The following ACOT9 variants were observed in gnomAD, a reference collection of about 807,000 sequenced individuals.
ACOT9 encodes acyl-CoA thioesterase 9.
Under a neutral mutation model 39.7 loss-of-function variants are expected in ACOT9, and 34 were observed. The ratio of observed to expected loss-of-function variants is 0.86; its 90% CI spans 0.65 to 1.14. The LOEUF is 1.14. Ranked by LOEUF, ACOT9 falls within the 50% of genes most tolerant of loss-of-function variation. The pLI, the probability that ACOT9 is intolerant of heterozygous loss-of-function variation, is 0.00. For missense variants in ACOT9, 313 were observed against 344.1 expected (o/e 0.91, Z 0.71); for synonymous variants, 110 against 120.5 (o/e 0.91, Z 0.57).
chrX:23,733,754 AGTTTTGTTTT>A (rs10542947), intron 3 of ACOT9, among the ~76,000 whole-genome samples: 9 of 106,157 alleles, frequency 8.5e-5, no homozygotes, highest in Admixed American at 7.0e-4. Context: ...TAATTTTTGT[AGTTTTGTTTT>A]GTTTTGTTTT....
At chrX:23,733,666 C>T (rs1394752435) in intron 3 of ACOT9, among the ~76,000 whole-genome samples, 1 of 111,743 alleles carries the variant, frequency 8.9e-6, no homozygotes, top group East Asian at 2.8e-4. Flanking sequence ...GCATCCTCCA[C>T]CTCCCGGGTT....
At chrX:23,719,451 A>G (rs1929210410) in intron 8 of ACOT9, among the ~76,000 whole-genome samples, 1 of 110,997 alleles carries the variant, frequency 9.0e-6, no homozygotes, top group Admixed American at 9.7e-5. Context: ...GAAATGCTTC[A>G]TCATTCCATA....
intron 4 of ACOT9, among the ~76,000 whole-genome samples, chrX:23,732,009 G>A (rs1309580321): frequency 9.0e-6 from 1 of 111,617 alleles, no homozygotes; most frequent in Non-Finnish European, 1.9e-5. Flanking sequence ...AGGAGATAGA[G>A]GAATGAGTTA....
rs1267782859 is a variant in ACOT9 at position 23,743,176 on chromosome X, C to T, written c.-32G>A. The T allele has an allele frequency of 2.6e-6, 3 of 1,146,822 alleles. No individual in the cohort carries two copies. The highest frequency in any genetic ancestry group is 3.6e-5 in the African/African-American group (2 of 55,282). 94.5% of individuals were successfully genotyped at this position (1,146,822 alleles called of 1,213,427 possible). ...AGGCTGCCGTGCGCGCGATGGAGAA[C>T]CGGGCCCCGCGCGCTAGTCGGCGGA... On this transcript the variant is annotated 5_prime_UTR_variant, in exon 1 of 16. Coordinates refer to ENST00000379303, the MANE Select transcript of ACOT9 (RefSeq NM_001037171.2).
intron 11 of ACOT9, 121 bp downstream of exon 11, chrX:23,706,507 A>C: frequency 2.0e-6 from 1 of 494,408 alleles, no homozygotes; most frequent in Non-Finnish European, 3.4e-6. Context: ...GCAGTGAGCC[A>C]AGATCGTGCC....
intron 4 of ACOT9, 23 bp downstream of exon 4, chrX:23,733,149 T>C (rs755662951): frequency 1.3e-5 from 16 of 1,197,831 alleles, no homozygotes; most frequent in Non-Finnish European, 1.7e-5. Flanking sequence ...ATGAAAAGAA[T>C]GAATGAAAAC....
At chrX:23,734,277 G>A (rs796769171) in intron 3 of ACOT9, 64 bp downstream of exon 3, 19 of 1,003,229 alleles carry the variant, frequency 1.9e-5, no homozygotes, top group East Asian at 1.3e-4. Context: ...AAGTGCAAGC[G>A]TATATTAGTG....
At chrX:23,735,324 T>A (rs1045193505) in intron 2 of ACOT9, among the ~76,000 whole-genome samples, 2 of 89,531 alleles carry the variant, frequency 2.2e-5, no homozygotes, top group Admixed American at 1.3e-4. Flanking sequence ...CTCACTGACA[T>A]AAAATAATTA....
intron 1 of ACOT9, among the ~76,000 whole-genome samples, chrX:23,742,062 T>C (rs768375480): frequency 9.0e-6 from 1 of 111,032 alleles, no homozygotes; most frequent in African/African-American, 3.3e-5. Flanking sequence ...ACCTTTCACA[T>C]TGCAAGCTAA....
At chrX:23,720,041 G>A (rs939194065) in intron 8 of ACOT9, among the ~76,000 whole-genome samples, 2 of 111,916 alleles carry the variant, frequency 1.8e-5, no homozygotes, top group Non-Finnish European at 3.8e-5. Flanking sequence ...CACCGTGTTA[G>A]CCAGGATGGT....
In ACOT9 at chrX:23,722,819, C is replaced by T. The variant is rs751824728; in HGVS notation, c.401-66G>A. The T allele has an allele frequency of 7.4e-4, 551 of 741,850 alleles. 4 individuals are homozygous for T. The African/African-American group carries it at 0.01, about 14-fold the overall frequency. 61.1% of individuals were successfully genotyped at this position (741,850 alleles called of 1,213,427 possible). On this transcript the variant is annotated intron_variant, in intron 6 of 15. Transcript: ENST00000379303. ...AATTATTTCCCAACATTTAAAATTT[C>T]CTCCCTGAGATCCATGAAAAGCCTT...
chrX:23,719,791 G>A (rs1297042954), intron 8 of ACOT9, among the ~76,000 whole-genome samples: 2 of 111,764 alleles, frequency 1.8e-5, no homozygotes, highest in African/African-American at 6.5e-5. Flanking sequence ...CATGGCCCGG[G>A]GGTTGGGGAC....
At chrX:23,712,983 G>T in intron 9 of ACOT9, 152 bp downstream of exon 9, 2 of 446,110 alleles carry the variant, frequency 4.5e-6, no homozygotes, top group Middle Eastern at 6.6e-4. Context: ...TCATGTCTGG[G>T]ATTTGCCTTA....
intron 9 of ACOT9, among the ~76,000 whole-genome samples, chrX:23,712,052 A>AT (rs769865286): frequency 9.0e-6 from 1 of 111,628 alleles, no homozygotes; most frequent in Non-Finnish European, 1.9e-5. Context: ...CAACGAGTGA[A>AT]TAAGAAACAA....
At position 23,705,006 on chromosome X, in the gene ACOT9, A is replaced by G; in HGVS notation, c.1094T>C (p.Phe365Ser). The G allele has an allele frequency of 8.3e-7, 1 of 1,211,244 alleles. No individual in the cohort carries two copies. The highest frequency in any genetic ancestry group is 1.7e-5 in the African/African-American group (1 of 57,917). Residue 365 changes from phenylalanine (F) to serine (S), a missense_variant, in exon 14 of 16, where the codon TTT (phenylalanine) becomes TCT (serine). Coordinates refer to ENST00000379303, the MANE Select transcript of ACOT9 (RefSeq NM_001037171.2). Reference protein sequence around the residue: ...QKPVEVGSLLFLSSQVCFTQN... With the variant: ...QKPVEVGSLLSLSSQVCFTQN... ...TCACACACCTACCTGTGAAGAAAGA[A>G]AGAGCAATGAGCCAACCTCAACAGG... is the stretch of plus-strand genomic sequence containing the variant.
Position 23,703,834 on chromosome X carries a change from T to G in ACOT9, c.*60A>C. On this transcript the variant is annotated 3_prime_UTR_variant, in exon 16 of 16. Transcript: ENST00000379303. ...ACTAAAATCAATACACTCGATCAGG[T>G]CTTCATCAGATACCACGTCACTGTG... is the stretch of plus-strand genomic sequence containing the variant. 2.1e-6 allele frequency: 2 copies of G among 969,516 alleles called. No individual in the cohort carries two copies. Among genetic ancestry groups the G allele is most frequent in the Non-Finnish European group, 2.9e-6 (2 of 678,883 alleles). The allele number at this position is 969,516 out of a possible 1,213,427, so 79.9% of individuals were successfully genotyped here.
At chrX:23,738,172 T>C (rs1338655369) in intron 1 of ACOT9, among the ~76,000 whole-genome samples, 1 of 109,832 alleles carries the variant, frequency 9.1e-6, no homozygotes, top group Non-Finnish European at 1.9e-5. Flanking sequence ...TGGCCGTCTT[T>C]TTGTTTTTGA....
chrX:23,713,548 A>G (rs1393438868), intron 8 of ACOT9, among the ~76,000 whole-genome samples: 11 of 97,731 alleles, frequency 1.1e-4, no homozygotes, highest in Non-Finnish European at 1.9e-4. Flanking sequence ...GCCCCTGTCT[A>G]AAAAAAAAAA....
At chrX:23,712,405 T>TAA (rs57718217) in intron 9 of ACOT9, among the ~76,000 whole-genome samples, 3,107 of 72,592 alleles carry the variant, frequency 0.043, 247 homozygotes, top group African/African-American at 0.16. Flanking sequence ...AACTCCATCT[T>TAA]AAAAAAAAAA....
Sources: gnomAD v4.1 joint callset for allele counts (sites outside exome capture counted in the v4.1 genomes callset) on GRCh38, gnomAD v4.1.1 for gene constraint, MANE v1.5 for transcripts, NCBI Gene and HGNC (gene_info 2026-07-23, HGNC 2026-07-21) for gene names.